CPLX2: variants seen among roughly 807,000 people sequenced by gnomAD.
CPLX2 encodes the protein complexin 2.
CPLX2 carries 5 observed loss-of-function variants against 16.3 expected under a neutral mutation model. The ratio of observed to expected loss-of-function variants is 0.31; its 90% confidence interval spans 0.16 to 0.64. The LOEUF is 0.64. Ranked by LOEUF, CPLX2 falls within the 30% of genes least tolerant of loss-of-function variation. The pLI, the probability that CPLX2 is intolerant of heterozygous loss-of-function variation, is 0.79. For synonymous variants in CPLX2, 89 were observed against 73.2 expected, an observed-to-expected ratio of 1.22 and a Z score of -1.10; for missense variants, 144 against 181.4, an observed-to-expected ratio of 0.79 and a Z score of 1.18.
chr5:175,812,792 C>G (rs1200738085), intron 2 of CPLX2, among the ~76,000 whole-genome samples: 1 of 152,198 alleles, frequency 6.6e-6, no homozygotes, highest in Non-Finnish European at 1.5e-5. Context: ...AAAGAAGAAG[C>G]CCTAGATCCT....
chr5:175,872,398 C>G lies in CPLX2; in HGVS notation c.-89+693C>G, dbSNP rs1240442632. On this transcript the variant is annotated intron_variant, in intron 1 of 3. Coordinates refer to ENST00000393745, the MANE Select transcript of CPLX2 (RefSeq NM_001008220.2). The surrounding 1 kb of genome is among the most constrained non-coding windows in gnomAD (Gnocchi z 5.0). ...TGCTCTCGTTCTCGTCGGCCTCAAT[C>G]TGCCCCCTTCCCCAGCAAAGTTTGA... Among the ~76,000 whole-genome samples the G allele has an allele frequency of 6.6e-6, 1 of 152,182 alleles. No homozygotes were observed. The highest frequency in any genetic ancestry group is 1.5e-5 in the Non-Finnish European group (1 of 68,036).
chr5:175,877,080 T>A (rs898298929), intron 1 of CPLX2, among the ~76,000 whole-genome samples: 4 of 152,074 alleles, frequency 2.6e-5, no homozygotes, highest in Admixed American at 2.6e-4. Context: ...AAACGTCCAT[T>A]CAAGGGCAAC....
chr5:175,802,980 C>T (rs373284751), intron 1 of CPLX2, among the ~76,000 whole-genome samples: 6 of 152,052 alleles, frequency 3.9e-5, no homozygotes, highest in East Asian at 3.9e-4. Context: ...TACAGGCACC[C>T]GCCATCACAC....
intron 2 of CPLX2, among the ~76,000 whole-genome samples, chr5:175,865,249 T>C (rs917966224): frequency 6.6e-6 from 1 of 152,238 alleles, no homozygotes; most frequent in Non-Finnish European, 1.5e-5. Context: ...AAGACAGCAA[T>C]AATGTCCTTT....
chr5:175,821,193 C>T (rs1417565479), intron 2 of CPLX2, among the ~76,000 whole-genome samples: 1 of 152,116 alleles, frequency 6.6e-6, no homozygotes, highest in Admixed American at 6.5e-5. Flanking sequence ...TTCCCCATCC[C>T]CAGGGGCAAG....
At chr5:175,860,167 A>T (rs577583442) in intron 2 of CPLX2, among the ~76,000 whole-genome samples, 1 of 152,134 alleles carries the variant, frequency 6.6e-6, no homozygotes, top group African/African-American at 2.4e-5. Flanking sequence ...TCAGTCCCAC[A>T]TTCTGCCAGC....
chr5:175,851,861 C>T (rs1020535575), intron 2 of CPLX2, among the ~76,000 whole-genome samples: 1 of 152,200 alleles, frequency 6.6e-6, no homozygotes, highest in African/African-American at 2.4e-5. Context: ...GATCCGTGGG[C>T]CGCTCAAGAA....
upstream of CPLX2, among the ~76,000 whole-genome samples, chr5:175,866,652 G>A (rs1171673076): frequency 2.0e-5 from 3 of 152,216 alleles, no homozygotes; most frequent in African/African-American, 7.2e-5. Flanking sequence ...TGGGCTGGGA[G>A]AGAGGCTCTG....
At chr5:175,799,893 G>A (rs1212434096) in intron 1 of CPLX2, among the ~76,000 whole-genome samples, 1 of 151,824 alleles carries the variant, frequency 6.6e-6, no homozygotes, top group South Asian at 2.1e-4. Flanking sequence ...TGGCTGCTGT[G>A]TTAACCTCCC....
At chr5:175,867,708 G>A (rs951744005), upstream of CPLX2, among the ~76,000 whole-genome samples, 3 of 151,842 alleles carry the variant, frequency 2.0e-5, no homozygotes, top group Non-Finnish European at 4.4e-5. Context: ...AGTCAGAGAC[G>A]CACGCCTGCC....
intron 2 of CPLX2, among the ~76,000 whole-genome samples, chr5:175,832,075 T>C (rs1758744587): frequency 6.6e-6 from 1 of 152,222 alleles, no homozygotes; most frequent in Non-Finnish European, 1.5e-5. Flanking sequence ...CTGGGATTTA[T>C]TCATTCCTTT....
chr5:175,819,042 A>G (rs1372666847), intron 2 of CPLX2, among the ~76,000 whole-genome samples: 2 of 152,204 alleles, frequency 1.3e-5, no homozygotes, highest in Non-Finnish European at 2.9e-5. Flanking sequence ...ACCCCTGCTC[A>G]GCGACGTTGG....
chr5:175,862,424 G>T (rs964077448), intron 2 of CPLX2, among the ~76,000 whole-genome samples: 1 of 152,194 alleles, frequency 6.6e-6, no homozygotes. Context: ...TCAAAGCAAA[G>T]GTTTGCCAAG....
intron 1 of CPLX2, among the ~76,000 whole-genome samples, chr5:175,801,696 G>A (rs937564466): frequency 6.6e-6 from 1 of 152,234 alleles, no homozygotes; most frequent in Non-Finnish European, 1.5e-5. Context: ...TAAAATATGT[G>A]CAGCACTCAG....
intron 2 of CPLX2, among the ~76,000 whole-genome samples, chr5:175,815,951 C>G (rs6885275): frequency 0.85 from 129,365 of 152,254 alleles, 55,070 homozygotes; most frequent in East Asian, 0.93. Context: ...ATGGAAGGGG[C>G]CTATAGGGAC....
intron 1 of CPLX2, 24 bp from the exon 2 acceptor site, chr5:175,878,628 C>T: frequency 7.8e-7 from 1 of 1,286,548 alleles, no homozygotes; most frequent in South Asian, 1.3e-5. Context: ...CCTCTCCCAT[C>T]TGACTCCCAA....
At position 175,878,659 on chromosome 5, in the gene CPLX2, C is replaced by T. The variant is rs1279985403; in HGVS notation, c.-81C>T. On this transcript the variant is annotated 5_prime_UTR_variant, in exon 2 of 4. Coordinates refer to ENST00000393745, the MANE Select transcript of CPLX2 (RefSeq NM_001008220.2). The stretch of plus-strand genomic sequence containing the variant: ...CCCAATTCTCTTCTGCAGGTTGTCA[C>T]ATCTTCCCAAGCCAGGCCAGCCAGG... 3 of 1,536,452 alleles carry T rather than the reference C, an allele frequency of 2.0e-6. No individual in the cohort carries two copies. Among genetic ancestry groups the T allele is most frequent in the South Asian group, 1.2e-5 (1 of 84,822 alleles).
upstream of CPLX2, chr5:175,871,410 G>GGAGA (rs72487413): frequency 5.9e-4 from 17 of 28,690 alleles, no homozygotes; most frequent in South Asian, 1.6e-3. Context: ...AAGAGAGAGA[G>GGAGA]GAGAGAGAGA....
Position 175,808,830 on chromosome 5 carries a change from A to T in CPLX2, c.-168-159A>T, listed in dbSNP as rs547674832. On this transcript the variant is annotated intron_variant, in intron 1 of 4. Transcript: ENST00000359546. Reference sequence around the variant, plus strand: ...TGGGTCTGATGCCAGGCAGGGTCCCATCCCGCCCAGCCCTTTGCTGGAATC... The same window carrying T: ...TGGGTCTGATGCCAGGCAGGGTCCCTTCCCGCCCAGCCCTTTGCTGGAATC... 8.5e-4 allele frequency among the ~76,000 whole-genome samples: 129 copies of T among 152,290 alleles called. 1 individual carries two copies. The highest frequency in any genetic ancestry group is 3.0e-3 in the African/African-American group (125 of 41,562).
Sources: gnomAD v4.1 joint callset for allele counts (sites outside exome capture counted in the v4.1 genomes callset) on GRCh38, gnomAD v4.1.1 for gene constraint, Gnocchi (gnomAD v3.1) non-coding constraint, MANE v1.5 for transcripts, NCBI Gene and HGNC (gene_info 2026-07-23, HGNC 2026-07-21) for gene names.